BBS9: variants seen among roughly 807,000 people sequenced by gnomAD.
BBS9 encodes the protein protein PTHB1.
In BBS9, 89 loss-of-function variants were observed where a neutral mutation model predicts 117.7. That is an observed-to-expected ratio of 0.76 (90% confidence interval 0.64 to 0.90). The LOEUF is 0.90. Ranked by LOEUF, BBS9 falls within the 40% of genes least tolerant of loss-of-function variation. The pLI is 0.00. For missense variants in BBS9, 982 were observed against 1,042.2 expected (o/e 0.94, Z 0.80); for synonymous variants, 379 against 370.9 (o/e 1.02, Z -0.25).
chr7:33,579,779 C>G (rs553086306), intron 21 of BBS9, among the ~76,000 whole-genome samples: 4 of 152,230 alleles, frequency 2.6e-5, no homozygotes, highest in South Asian at 2.1e-4. Context: ...CACTCTAAGT[C>G]TAAGGCAAAT....
intron 19 of BBS9, among the ~76,000 whole-genome samples, chr7:33,405,676 G>A (rs1437684797): frequency 6.6e-6 from 1 of 152,024 alleles, no homozygotes; most frequent in Non-Finnish European, 1.5e-5. Context: ...TATTTCTGTG[G>A]GATCGGTGGT....
At chr7:33,171,189 C>T (rs1302171128) in intron 4 of BBS9, among the ~76,000 whole-genome samples, 1 of 152,168 alleles carries the variant, frequency 6.6e-6, no homozygotes, top group Non-Finnish European at 1.5e-5. Context: ...CATCACACTA[C>T]CTGACTTCAA....
At chr7:33,342,177 TTACTA>T (rs1424648037) in intron 11 of BBS9, among the ~76,000 whole-genome samples, 2 of 152,102 alleles carry the variant, frequency 1.3e-5, no homozygotes. Flanking sequence ...CACATTAACA[TTACTA>T]TATTATAGTA....
intron 20 of BBS9, among the ~76,000 whole-genome samples, chr7:33,522,164 G>A (rs1848722072): frequency 6.6e-6 from 1 of 151,894 alleles, no homozygotes; most frequent in Non-Finnish European, 1.5e-5. Context: ...CATTTGGGTT[G>A]GTTCCAATTC....
At chr7:33,421,375 T>G (rs1832838307) in intron 19 of BBS9, among the ~76,000 whole-genome samples, 1 of 152,210 alleles carries the variant, frequency 6.6e-6, no homozygotes, top group Admixed American at 6.5e-5. Flanking sequence ...CATAATCAAC[T>G]ATTGCATGTG....
chr7:33,328,315 G>T (rs977160170), intron 9 of BBS9, among the ~76,000 whole-genome samples: 62 of 152,160 alleles, frequency 4.1e-4, no homozygotes, highest in African/African-American at 1.5e-3. Context: ...TTTATTTAAA[G>T]TAAGTTTGAA....
In BBS9 at chr7:33,285,950, C is replaced by T. The variant is rs572372623; in HGVS notation, c.1016+11994C>T. Among the ~76,000 whole-genome samples, 4 of 152,012 alleles carry T rather than the reference C, an allele frequency of 2.6e-5. No homozygotes were observed. In the East Asian group the frequency reaches 5.8e-4, roughly 22 times the overall value. Reference sequence around the variant, plus strand: ...AATGTAAAACACAGCATCCTCCATTCTTATAAACAATATCATAGTAATTAC... The same window carrying T: ...AATGTAAAACACAGCATCCTCCATTTTTATAAACAATATCATAGTAATTAC... On this transcript the variant is annotated intron_variant, in intron 9 of 22. Transcript: ENST00000242067.
intron 5 of BBS9, among the ~76,000 whole-genome samples, chr7:33,220,121 A>G (rs1028029358): frequency 6.6e-6 from 1 of 152,202 alleles, no homozygotes; most frequent in East Asian, 1.9e-4. Flanking sequence ...TTCCGGACAC[A>G]GTTTCACCCA....
intron 1 of BBS9, among the ~76,000 whole-genome samples, chr7:33,141,467 T>C (rs1791451897): frequency 6.6e-6 from 1 of 152,126 alleles, no homozygotes; most frequent in Non-Finnish European, 1.5e-5. Flanking sequence ...CTGGGCTCAA[T>C]TGATCCTCTC....
chr7:33,434,628 T>C (rs141930334), intron 19 of BBS9, among the ~76,000 whole-genome samples: 1 of 152,302 alleles, frequency 6.6e-6, no homozygotes, highest in African/African-American at 2.4e-5. Context: ...TGCTACTTCA[T>C]CAGTAATAAC....
In BBS9 at chr7:33,323,833, CTTTTTTTTTTT is replaced by C. The variant is rs1227126451; in HGVS notation, c.1017-12596_1017-12586del. 1.4e-3 allele frequency among the ~76,000 whole-genome samples: 146 copies of C among 105,168 alleles called. 3 individuals are homozygous for C. The highest frequency in any genetic ancestry group is 5.2e-3 in the East Asian group (23 of 4,414). 69.0% of individuals were successfully genotyped at this position (105,168 alleles called of 152,430 possible). ...CCTTCTTTTCTTCATTCCTGTCTTCCTTTTTTTTTTTTTTTTTTTTTTGAGACAGGGTCTTG... is the reference window on the plus strand; with the variant it reads ...CCTTCTTTTCTTCATTCCTGTCTTCCTTTTTTTTTTTGAGACAGGGTCTTG... On this transcript the variant is annotated intron_variant, in intron 9 of 22. Transcript: ENST00000242067.
At chr7:33,587,611 G>A (rs1278641208) in intron 21 of BBS9, among the ~76,000 whole-genome samples, 2 of 152,106 alleles carry the variant, frequency 1.3e-5, no homozygotes, top group Admixed American at 1.3e-4. Flanking sequence ...AGAAAGTAGA[G>A]CTGGGGTTAG....
At chr7:33,534,241 G>A in intron 21 of BBS9, 65 bp downstream of exon 21, 2 of 1,516,014 alleles carry the variant, frequency 1.3e-6, no homozygotes, top group East Asian at 2.3e-5. Context: ...GAATGTGCCT[G>A]TGGTTGTATT....
chr7:33,204,747 A>C (rs1786591620), intron 5 of BBS9, among the ~76,000 whole-genome samples: 1 of 152,210 alleles, frequency 6.6e-6, no homozygotes, highest in Non-Finnish European at 1.5e-5. Context: ...TACTACCCTC[A>C]TACAAGATAG....
At chr7:33,145,287 G>A (rs1021371985) in intron 1 of BBS9, among the ~76,000 whole-genome samples, 1 of 152,144 alleles carries the variant, frequency 6.6e-6, no homozygotes, top group Non-Finnish European at 1.5e-5. Context: ...TAAATGAACT[G>A]TTGTAGAGTC....
At chr7:33,450,003 A>C (rs1037924137) in intron 19 of BBS9, among the ~76,000 whole-genome samples, 1 of 152,172 alleles carries the variant, frequency 6.6e-6, no homozygotes, top group African/African-American at 2.4e-5. Flanking sequence ...CCCTACATAC[A>C]TTAAACAACA....
At chr7:33,279,624 C>G (rs1414764093) in intron 9 of BBS9, among the ~76,000 whole-genome samples, 1 of 151,934 alleles carries the variant, frequency 6.6e-6, no homozygotes, top group African/African-American at 2.4e-5. Context: ...TGTTTTTTTT[C>G]TTTCCACTCC....
chr7:33,166,790 G>T (rs575456943), intron 4 of BBS9, among the ~76,000 whole-genome samples: 3 of 152,194 alleles, frequency 2.0e-5, no homozygotes, highest in Admixed American at 6.5e-5. Context: ...AGTCTGTCAC[G>T]GCTTCCCTTG....
chr7:33,157,934 A>T (rs1247401136), intron 4 of BBS9, among the ~76,000 whole-genome samples: 1 of 152,196 alleles, frequency 6.6e-6, no homozygotes, highest in Non-Finnish European at 1.5e-5. Context: ...ATCACATGGC[A>T]TCTCAGATTT....
Sources: gnomAD v4.1 joint callset for allele counts (sites outside exome capture counted in the v4.1 genomes callset) on GRCh38, gnomAD v4.1.1 for gene constraint, MANE v1.5 for transcripts, NCBI Gene and HGNC (gene_info 2026-07-23, HGNC 2026-07-21) for gene names.